Variants in SCN11A observed in about 807,000 individuals in gnomAD.
The protein encoded by SCN11A is sodium voltage-gated channel alpha subunit 11.
SCN11A carries 122 observed loss-of-function variants against 162.2 expected under a neutral mutation model. The observed-to-expected ratio is 0.75, with a 90% CI of 0.65 to 0.87. The LOEUF (loss-of-function observed/expected upper bound fraction) is 0.87, where lower values mean the gene tolerates loss of function less well. Ranked by LOEUF, SCN11A falls within the 40% of genes least tolerant of loss-of-function variation. SCN11A has a pLI of 0.00. For missense variants in SCN11A, 2,015 were observed against 2,181.6 expected, an observed-to-expected ratio of 0.92 and a Z score of 1.52; for synonymous variants, 758 against 751.5, an observed-to-expected ratio of 1.01 and a Z score of -0.14.
intron 5 of SCN11A, among the ~76,000 whole-genome samples, chr3:38,948,295 T>G (rs1052848082): frequency 6.6e-6 from 1 of 152,206 alleles, no homozygotes; most frequent in African/African-American, 2.4e-5. Context: ...TCTCCTTCTG[T>G]GCCTTTGATT....
chr3:38,946,383 T>A (rs1485206393), intron 6 of SCN11A, among the ~76,000 whole-genome samples: 3 of 152,230 alleles, frequency 2.0e-5, no homozygotes, highest in African/African-American at 7.2e-5. Flanking sequence ...TTCAAAGTTT[T>A]AAATACTGTG....
Position 38,968,576 on chromosome 3 carries a change from TC to T in SCN11A, c.-279-8154del, listed in dbSNP as rs201395472. The stretch of plus-strand genomic sequence containing the variant: ...AGTGTAGAGGGAAAACACACATGCC[TC>T]CCCCCAACACACATGTGCACACACA... On this transcript the variant is annotated intron_variant, in intron 2 of 29. Coordinates refer to ENST00000302328, the MANE Select transcript of SCN11A (RefSeq NM_001349253.2). Among the ~76,000 whole-genome samples the T allele has an allele frequency of 5.2e-3, 792 of 152,074 alleles. 2 individuals are homozygous for T. The highest frequency in any genetic ancestry group is 7.5e-3 in the East Asian group (39 of 5,176).
At chr3:38,904,201 C>T in intron 15 of SCN11A, 98 bp from the exon 16 acceptor site, 2 of 688,620 alleles carry the variant, frequency 2.9e-6, no homozygotes, top group Non-Finnish European at 4.8e-6. Context: ...CCCAGGGCCT[C>T]CTGATACATG....
At position 38,925,525 on chromosome 3, in the gene SCN11A, C is replaced by G; in HGVS notation, c.618-16G>C. On this transcript the variant is annotated splice_polypyrimidine_tract_variant and intron_variant, in intron 8 of 29. Coordinates refer to ENST00000302328, the MANE Select transcript of SCN11A (RefSeq NM_001349253.2). ...TGACACAATCCTACAAGACAAAGCACAGGGAAGGCATGGGCTTGCTCAGTC... is the reference window on the plus strand; with the variant it reads ...TGACACAATCCTACAAGACAAAGCAGAGGGAAGGCATGGGCTTGCTCAGTC... 6.3e-7 allele frequency: 1 copy of G among 1,576,606 alleles called. No individual in the cohort carries two copies. Among genetic ancestry groups the G allele is most frequent in the Admixed American group, 1.7e-5 (1 of 59,926 alleles).
At chr3:38,918,292 C>T (rs1403681722) in intron 11 of SCN11A, among the ~76,000 whole-genome samples, 2 of 152,136 alleles carry the variant, frequency 1.3e-5, no homozygotes, top group African/African-American at 2.4e-5. Context: ...TCCCCAAACC[C>T]GGGCCCCAGA....
intron 2 of SCN11A, among the ~76,000 whole-genome samples, chr3:39,029,959 T>C (rs2031705919): frequency 6.6e-6 from 1 of 152,206 alleles, no homozygotes; most frequent in Non-Finnish European, 1.5e-5. Flanking sequence ...TGTTCAGACA[T>C]TAGAGTATAT....
At position 38,845,813 on chromosome 3, in the gene SCN11A, A is replaced by C. The variant is rs201297201; in HGVS notation, c.*881T>G. 2.7e-5 allele frequency: 4 copies of C among 146,180 alleles called. No homozygotes were observed. The highest frequency in any genetic ancestry group is 6.0e-5 in the Non-Finnish European group (4 of 66,314). 9.1% of individuals were successfully genotyped at this position (146,180 alleles called of 1,614,324 possible). ...TTATTGAATTTATATATATATATAT[A>C]TCTGAGATGGTAGCTTGTGAAAGGG... On this transcript the variant is annotated 3_prime_UTR_variant, in exon 30 of 30. Transcript: ENST00000302328.
At position 38,863,209 on chromosome 3, in the gene SCN11A, T is replaced by G; in HGVS notation, c.4042A>C (p.Ile1348Leu). The change falls in exon 28 of 30, where the codon ATT (isoleucine) becomes CTT (leucine). Residue 1348 changes from isoleucine (I) to leucine (L), a missense_variant. Coordinates refer to ENST00000302328, the MANE Select transcript of SCN11A (RefSeq NM_001349253.2). ...KLGSKKPQKPIPRPLNKCQGL... is the reference protein window; with the variant it reads ...KLGSKKPQKPLPRPLNKCQGL... ...ATTGCTCTCACCAGAGGCCGTGGAA[T>G]GGGTTTTTGAGGTTTTTTGGATCCT... 1.3e-6 allele frequency: 2 copies of G among 1,576,260 alleles called. No individual in the cohort carries two copies. Among genetic ancestry groups the G allele is most frequent in the Non-Finnish European group, 8.7e-7 (1 of 1,145,818 alleles).
chr3:38,850,990 C>T (rs2064769660), intron 28 of SCN11A, among the ~76,000 whole-genome samples: 2 of 152,030 alleles, frequency 1.3e-5, no homozygotes. Flanking sequence ...AGCTTTAATT[C>T]CATTTTAAAA....
intron 28 of SCN11A, among the ~76,000 whole-genome samples, chr3:38,859,981 G>A (rs921440488): frequency 3.3e-5 from 5 of 152,108 alleles, no homozygotes; most frequent in African/African-American, 1.2e-4. Context: ...CCTAAGATCA[G>A]TGCTTGAGAT....
chr3:38,917,425 C>A (rs1244250691), intron 11 of SCN11A, among the ~76,000 whole-genome samples: 1 of 152,222 alleles, frequency 6.6e-6, no homozygotes, highest in Non-Finnish European at 1.5e-5. Flanking sequence ...GAATGCCCAA[C>A]AATGACAGAC....
At chr3:38,995,415 C>T (rs781481349) in intron 2 of SCN11A, among the ~76,000 whole-genome samples, 4 of 152,124 alleles carry the variant, frequency 2.6e-5, no homozygotes, top group African/African-American at 4.8e-5. Context: ...CCATGGCACC[C>T]GGCCAATTTA....
At chr3:38,915,704 G>C (rs1305589238) in intron 11 of SCN11A, among the ~76,000 whole-genome samples, 2 of 152,078 alleles carry the variant, frequency 1.3e-5, no homozygotes, top group Non-Finnish European at 2.9e-5. Flanking sequence ...ATTTGCTGAA[G>C]CTTGTTTTAT....
Position 38,867,468 on chromosome 3 carries a change from A to AT in SCN11A, c.3814-11dup, listed in dbSNP as rs763469989. On this transcript the variant is annotated splice_polypyrimidine_tract_variant and intron_variant, in intron 26 of 29. Coordinates refer to ENST00000302328, the MANE Select transcript of SCN11A (RefSeq NM_001349253.2). The stretch of plus-strand genomic sequence containing the variant: ...CTGGCTGTTGTTCTTTCTGTTAGAA[A>AT]TTTTTTTAATAAGAGAAAAAAACAA... 8 of 1,586,958 alleles carry AT rather than the reference A, an allele frequency of 5.0e-6. No homozygotes were observed. Among genetic ancestry groups the AT allele is most frequent in the Admixed American group, 1.9e-5 (1 of 52,506 alleles).
intron 2 of SCN11A, among the ~76,000 whole-genome samples, chr3:38,994,076 G>C (rs1376049552): frequency 2.0e-5 from 3 of 152,102 alleles, no homozygotes; most frequent in Admixed American, 6.6e-5. Flanking sequence ...GTCCTCAACT[G>C]GTCTTCCTGG....
chr3:39,035,399 AAAGAAT>A (rs1380966037), intron 1 of SCN11A, among the ~76,000 whole-genome samples: 1 of 152,210 alleles, frequency 6.6e-6, no homozygotes, highest in Non-Finnish European at 1.5e-5. Flanking sequence ...TCCATATGCA[AAAGAAT>A]GAAACTAGGC....
At chr3:38,951,574 GC>G (rs1200130344) in intron 4 of SCN11A, among the ~76,000 whole-genome samples, 1 of 152,272 alleles carries the variant, frequency 6.6e-6, no homozygotes, top group African/African-American at 2.4e-5. Flanking sequence ...TCCACCTGCG[GC>G]CCCGGTGCGG....
At chr3:38,947,841 C>A (rs2066541174) in intron 5 of SCN11A, among the ~76,000 whole-genome samples, 1 of 152,236 alleles carries the variant, frequency 6.6e-6, no homozygotes, top group African/African-American at 2.4e-5. Context: ...CAAAAGCCTT[C>A]AGAAAGTAAG....
At chr3:38,857,938 A>T (rs950491876) in intron 28 of SCN11A, among the ~76,000 whole-genome samples, 6 of 152,162 alleles carry the variant, frequency 3.9e-5, no homozygotes, top group Non-Finnish European at 8.8e-5. Flanking sequence ...TTTTCAGACA[A>T]ATAAATGCTG....
Sources: gnomAD v4.1 joint callset for allele counts (sites outside exome capture counted in the v4.1 genomes callset) on GRCh38, gnomAD v4.1.1 for gene constraint, MANE v1.5 for transcripts, NCBI Gene and HGNC (gene_info 2026-07-23, HGNC 2026-07-21) for gene names.